Variants in LYPD6 observed in about 807,000 individuals in gnomAD.
The protein encoded by LYPD6 is LY6/PLAUR domain containing 6.
LYPD6 carries 15 observed loss-of-function variants against 22.7 expected under a neutral mutation model. The observed-to-expected ratio is 0.66, with a 90% CI of 0.44 to 1.02. The LOEUF (loss-of-function observed/expected upper bound fraction) is 1.02. Among genes scored for constraint, LYPD6 ranks in the 50% least tolerant of loss-of-function variants. LYPD6 has a pLI of 0.00. For synonymous variants in LYPD6, 72 were observed against 77.5 expected, an observed-to-expected ratio of 0.93 and a Z score of 0.37; for missense variants, 189 against 208.4, an observed-to-expected ratio of 0.91 and a Z score of 0.57.
At chr2:149,479,716 G>T in the LYPD6 span, among the ~76,000 whole-genome samples, 1 of 152,002 alleles carries the variant, frequency 6.6e-6, no homozygotes, top group Non-Finnish European at 1.5e-5. Flanking sequence ...CCACCCCTCT[G>T]GTCCCAGCTA....
At chr2:149,385,472 G>A (rs1297610937) in intron 1 of LYPD6, among the ~76,000 whole-genome samples, 1 of 152,192 alleles carries the variant, frequency 6.6e-6, no homozygotes, top group African/African-American at 2.4e-5. Context: ...GAGTCCTAAT[G>A]TCAGTCATGT....
chr2:149,369,080 C>T (rs1681744568), intron 1 of LYPD6, among the ~76,000 whole-genome samples: 1 of 151,882 alleles, frequency 6.6e-6, no homozygotes, highest in Admixed American at 6.6e-5. Context: ...TATGCGGACC[C>T]AGAGGAGAAA....
chr2:149,459,722 T>C (rs1681044911), intron 3 of LYPD6, among the ~76,000 whole-genome samples: 1 of 152,106 alleles, frequency 6.6e-6, no homozygotes, highest in Non-Finnish European at 1.5e-5. Context: ...ATCAGGTTGA[T>C]GAAACCCCAT....
chr2:149,343,455 C>T (rs1681199464), intron 1 of LYPD6, among the ~76,000 whole-genome samples: 2 of 152,172 alleles, frequency 1.3e-5, no homozygotes, highest in South Asian at 4.1e-4. Context: ...TTCTGCCACT[C>T]CCAGCTTCAA....
intron 1 of LYPD6, among the ~76,000 whole-genome samples, chr2:149,342,581 C>T (rs769140476): frequency 6.6e-5 from 10 of 152,154 alleles, no homozygotes; most frequent in African/African-American, 1.9e-4. Flanking sequence ...TTCTATGCTA[C>T]TGAAAAACTC....
chr2:149,454,799 G>C (rs11681119), intron 3 of LYPD6, among the ~76,000 whole-genome samples: 42,301 of 152,004 alleles, frequency 0.28, 7,016 homozygotes, highest in African/African-American at 0.47. Flanking sequence ...CATTTTTAAA[G>C]TGCTGAAAGT....
At chr2:149,420,446 C>T (rs1247442915) in intron 1 of LYPD6, among the ~76,000 whole-genome samples, 2 of 152,058 alleles carry the variant, frequency 1.3e-5, no homozygotes, top group Non-Finnish European at 2.9e-5. Flanking sequence ...AGTGTATGTT[C>T]GTCCCTGGAG....
At chr2:149,361,021 G>T (rs1187946403) in intron 1 of LYPD6, among the ~76,000 whole-genome samples, 1 of 152,018 alleles carries the variant, frequency 6.6e-6, no homozygotes, top group Non-Finnish European at 1.5e-5. Context: ...TCTTAGTTGG[G>T]GTGGACCCCT....
rs147998139 is a variant in LYPD6 at position 149,469,182 on chromosome 2, A to G, written c.348+407A>G. On this transcript the variant is annotated intron_variant, in intron 4 of 4. Transcript: ENST00000334166. ...GATAACTTTCTGTAAAGTAGGGCTC[A>G]TGTTGTGACTGGGATGTTAGTTTGG... 6.8e-4 allele frequency among the ~76,000 whole-genome samples: 103 copies of G among 152,296 alleles called. No homozygotes were observed. In the South Asian group the frequency reaches 7.9e-3, roughly 12 times the overall value.
downstream of LYPD6, among the ~76,000 whole-genome samples, chr2:149,478,350 C>T (rs749630288): frequency 4.6e-5 from 7 of 151,578 alleles, no homozygotes; most frequent in Non-Finnish European, 1.0e-4. Flanking sequence ...TCTCAGAAGA[C>T]AGGGAATTCA....
At chr2:149,455,780 T>C (rs968443806) in intron 3 of LYPD6, among the ~76,000 whole-genome samples, 1 of 152,226 alleles carries the variant, frequency 6.6e-6, no homozygotes, top group Admixed American at 6.5e-5. Context: ...TTTGCATACC[T>C]TCCCAGCTGC....
At chr2:149,406,269 GTTCAA>G (rs1682705304) in intron 1 of LYPD6, among the ~76,000 whole-genome samples, 3 of 152,060 alleles carry the variant, frequency 2.0e-5, no homozygotes, top group Admixed American at 6.5e-5. Flanking sequence ...GCAGAGCTGA[GTTCAA>G]TTCCTGGGTA....
At chr2:149,418,539 A>G (rs1045327844) in intron 1 of LYPD6, among the ~76,000 whole-genome samples, 3 of 150,772 alleles carry the variant, frequency 2.0e-5, no homozygotes, top group African/African-American at 7.5e-5. Flanking sequence ...ACTGGGTTAA[A>G]GAGAAACCAA....
chr2:149,377,833 G>A (rs1573753981), intron 1 of LYPD6, among the ~76,000 whole-genome samples: 1 of 123,512 alleles, frequency 8.1e-6, no homozygotes, highest in Non-Finnish European at 1.6e-5. Flanking sequence ...GGGCACCTCT[G>A]ATCCTTCCAG....
At chr2:149,406,200 T>C (rs1273086618) in intron 1 of LYPD6, among the ~76,000 whole-genome samples, 2 of 150,532 alleles carry the variant, frequency 1.3e-5, no homozygotes, top group Non-Finnish European at 3.0e-5. Flanking sequence ...CTGAAAAAAA[T>C]GTATATTCTG....
At chr2:149,379,678 C>A (rs935830183) in intron 1 of LYPD6, among the ~76,000 whole-genome samples, 2 of 152,188 alleles carry the variant, frequency 1.3e-5, no homozygotes, top group Non-Finnish European at 2.9e-5. Flanking sequence ...CATGCTCCTT[C>A]AGAACCACAG....
chr2:149,417,887 A>G (rs996637008), intron 1 of LYPD6, among the ~76,000 whole-genome samples: 1 of 152,212 alleles, frequency 6.6e-6, no homozygotes, highest in Non-Finnish European at 1.5e-5. Flanking sequence ...CCTAATACAT[A>G]TTAGACACAG....
intron 4 of LYPD6, among the ~76,000 whole-genome samples, chr2:149,469,449 G>A (rs1465695197): frequency 2.6e-5 from 4 of 152,178 alleles, no homozygotes; most frequent in South Asian, 4.2e-4. Flanking sequence ...CTGTCTATAC[G>A]TGTGACCTTA....
At chr2:149,401,307 A>T (rs74862553) in intron 1 of LYPD6, among the ~76,000 whole-genome samples, 3,304 of 152,312 alleles carry the variant, frequency 0.022, 100 homozygotes, top group African/African-American at 0.076. Flanking sequence ...ATTTTGGGTC[A>T]GGCCGGTTGC....
Sources: gnomAD v4.1 joint callset for allele counts (sites outside exome capture counted in the v4.1 genomes callset) on GRCh38, gnomAD v4.1.1 for gene constraint, MANE v1.5 for transcripts, NCBI Gene and HGNC (gene_info 2026-07-23, HGNC 2026-07-21) for gene names.